The following FBXL7 variants were observed in gnomAD, a reference collection of about 807,000 sequenced individuals.
FBXL7 encodes the protein F-box/LRR-repeat protein 7.
A neutral mutation model predicts 38.3 loss-of-function variants in FBXL7; 12 were observed. The observed-to-expected ratio is 0.31, with a 90% confidence interval of 0.20 to 0.51. The LOEUF (loss-of-function observed/expected upper bound fraction) is 0.51, where lower values mean the gene tolerates loss of function less well. Among genes scored for constraint, FBXL7 ranks in the 20% least tolerant of loss-of-function variants. The pLI is 0.98. For synonymous variants in FBXL7, 297 were observed against 300.9 expected (o/e 0.99, Z 0.13); for missense variants, 567 against 676.4 (o/e 0.84, Z 1.79).
intron 2 of FBXL7, among the ~76,000 whole-genome samples, chr5:15,800,767 TATC>T (rs1737542797): frequency 6.6e-6 from 1 of 152,148 alleles, no homozygotes; most frequent in Admixed American, 6.6e-5. Context: ...TCCGGGGTGT[TATC>T]ACAGAATTTT....
chr5:15,699,540 A>G (rs909624707), intron 2 of FBXL7, among the ~76,000 whole-genome samples: 1 of 152,210 alleles, frequency 6.6e-6, no homozygotes, highest in African/African-American at 2.4e-5. Flanking sequence ...AAATAATTAT[A>G]TCAGCAGCAA....
chr5:15,710,387 T>C (rs1743824451), intron 2 of FBXL7, among the ~76,000 whole-genome samples: 1 of 152,114 alleles, frequency 6.6e-6, no homozygotes, highest in Admixed American at 6.5e-5. Context: ...GCTCCATCTG[T>C]GTGGAATGCT....
At chr5:15,614,008 G>A (rs904947493) in intron 1 of FBXL7, among the ~76,000 whole-genome samples, 3 of 152,084 alleles carry the variant, frequency 2.0e-5, no homozygotes, top group Non-Finnish European at 2.9e-5. Flanking sequence ...GCACTAAGCA[G>A]AGTCCTCATG....
intron 1 of FBXL7, among the ~76,000 whole-genome samples, chr5:15,605,792 A>G (rs2126501202): frequency 6.6e-6 from 1 of 152,346 alleles, no homozygotes; most frequent in South Asian, 2.1e-4. Flanking sequence ...ACCCTAAACC[A>G]GATCTTGCTT....
chr5:15,817,634 A>G (rs916020193), intron 2 of FBXL7, among the ~76,000 whole-genome samples: 11 of 152,094 alleles, frequency 7.2e-5, no homozygotes, highest in Admixed American at 7.2e-4. Context: ...TGCTGCTCTC[A>G]TAACAGTGAA....
At chr5:15,629,900 G>T (rs1446453713) in intron 2 of FBXL7, among the ~76,000 whole-genome samples, 1 of 152,074 alleles carries the variant, frequency 6.6e-6, no homozygotes, top group Non-Finnish European at 1.5e-5. Flanking sequence ...TAATAAATGA[G>T]AGATGTAGTT....
intron 1 of FBXL7, among the ~76,000 whole-genome samples, chr5:15,519,708 A>G (rs972657212): frequency 4.6e-5 from 7 of 152,186 alleles, no homozygotes; most frequent in Non-Finnish European, 1.0e-4. Context: ...GTTATGGCAA[A>G]TTTGGACATT....
chr5:15,539,078 A>C (rs917210311), intron 1 of FBXL7, among the ~76,000 whole-genome samples: 1 of 152,230 alleles, frequency 6.6e-6, no homozygotes, highest in Non-Finnish European at 1.5e-5. Context: ...TTTCACATAA[A>C]ACATACTTAT....
intron 2 of FBXL7, among the ~76,000 whole-genome samples, chr5:15,859,303 G>A (rs1008829301): frequency 2.0e-5 from 3 of 152,118 alleles, no homozygotes; most frequent in Non-Finnish European, 1.5e-5. Context: ...GTTGAGATAA[G>A]CATCAGAGAT....
chr5:15,840,458 T>A (rs80323206), intron 2 of FBXL7, among the ~76,000 whole-genome samples: 116 of 152,308 alleles, frequency 7.6e-4, no homozygotes, highest in African/African-American at 2.7e-3. Flanking sequence ...CATTGGGATT[T>A]TGATTTGTGG....
chr5:15,841,821 G>A (rs1171461399), intron 2 of FBXL7, among the ~76,000 whole-genome samples: 3 of 152,204 alleles, frequency 2.0e-5, no homozygotes, highest in Non-Finnish European at 4.4e-5. Context: ...GCTTCCACAT[G>A]GTGTTGGTCC....
At chr5:15,605,699 G>A (rs1739982991) in intron 1 of FBXL7, among the ~76,000 whole-genome samples, 1 of 152,110 alleles carries the variant, frequency 6.6e-6, no homozygotes, top group African/African-American at 2.4e-5. Context: ...ATGCAATTGA[G>A]TTATATCCTT....
At chr5:15,659,168 G>C (rs1183235631) in intron 2 of FBXL7, among the ~76,000 whole-genome samples, 1 of 152,002 alleles carries the variant, frequency 6.6e-6, no homozygotes, top group African/African-American at 2.4e-5. Context: ...CTTATAAAAA[G>C]TTAAATGGCA....
At chr5:15,787,879 C>A (rs113057474) in intron 2 of FBXL7, among the ~76,000 whole-genome samples, 4 of 152,198 alleles carry the variant, frequency 2.6e-5, no homozygotes, top group African/African-American at 9.6e-5. Flanking sequence ...GCTGTCACAA[C>A]ATATTACCAG....
intron 1 of FBXL7, among the ~76,000 whole-genome samples, chr5:15,612,754 T>C (rs1740292541): frequency 6.6e-6 from 1 of 152,138 alleles, no homozygotes; most frequent in Non-Finnish European, 1.5e-5. Context: ...GCCATCTCTT[T>C]GTAGGAGGGA....
At chr5:15,594,314 G>T (rs891770024) in intron 1 of FBXL7, among the ~76,000 whole-genome samples, 1 of 152,204 alleles carries the variant, frequency 6.6e-6, no homozygotes, top group African/African-American at 2.4e-5. Flanking sequence ...CAAGAATTTG[G>T]TAAGGCATTT....
chr5:15,732,916 T>C (rs893289578), intron 2 of FBXL7, among the ~76,000 whole-genome samples: 1 of 152,150 alleles, frequency 6.6e-6, no homozygotes, highest in Non-Finnish European at 1.5e-5. Context: ...TCATTTAGTA[T>C]TGTATTATAT....
intron 1 of FBXL7, among the ~76,000 whole-genome samples, chr5:15,518,841 T>G (rs1373813849): frequency 6.6e-6 from 1 of 152,150 alleles, no homozygotes; most frequent in East Asian, 1.9e-4. Context: ...TCATCTAAAT[T>G]GTTCATTCCT....
intron 1 of FBXL7, among the ~76,000 whole-genome samples, chr5:15,534,476 G>GT (rs1737523229): frequency 2.6e-5 from 4 of 152,026 alleles, no homozygotes; most frequent in South Asian, 2.1e-4. Context: ...GTTTCTTCAT[G>GT]TTTTTTCATG....
Sources: gnomAD v4.1 joint callset for allele counts (sites outside exome capture counted in the v4.1 genomes callset) on GRCh38, gnomAD v4.1.1 for gene constraint, MANE v1.5 for transcripts, NCBI Gene and HGNC (gene_info 2026-07-23, HGNC 2026-07-21) for gene names.